The following EPS15L1 variants were observed in gnomAD, a reference collection of about 807,000 sequenced individuals.
The protein encoded by EPS15L1 is epidermal growth factor receptor pathway substrate 15 like 1, also known as epidermal growth factor receptor substrate 15-like 1.
Under a neutral mutation model 117.1 loss-of-function variants are expected in EPS15L1, and 43 were observed. The observed-to-expected ratio is 0.37, with a 90% CI of 0.29 to 0.47. The LOEUF (loss-of-function observed/expected upper bound fraction) is 0.47, where lower values mean the gene tolerates loss of function less well. Among genes scored for constraint, EPS15L1 ranks in the 20% least tolerant of loss-of-function variants. The pLI, the probability that EPS15L1 is intolerant of heterozygous loss-of-function variation, is 0.99. For synonymous variants in EPS15L1, 459 were observed against 470.5 expected (o/e 0.98, Z 0.32); for missense variants, 981 against 1,164.0 (o/e 0.84, Z 2.29).
intron 1 of EPS15L1, among the ~76,000 whole-genome samples, chr19:16,467,567 C>G (rs959914986): frequency 1.3e-5 from 2 of 151,984 alleles, no homozygotes; most frequent in Admixed American, 1.3e-4. Flanking sequence ...CAGTGCAGGT[C>G]AATAAGTGAC....
chr19:16,445,871 G>A (rs1489307880), intron 1 of EPS15L1, among the ~76,000 whole-genome samples: 2 of 152,216 alleles, frequency 1.3e-5, no homozygotes, highest in Non-Finnish European at 2.9e-5. Flanking sequence ...AAGTGCAGCA[G>A]AGCTGACCCG....
At chr19:16,458,536 A>G (rs570575215) in intron 1 of EPS15L1, among the ~76,000 whole-genome samples, 132 of 123,672 alleles carry the variant, frequency 1.1e-3, no homozygotes, top group Non-Finnish European at 1.8e-3. Context: ...CCGCTTCCCC[A>G]CTGCACCTCG....
chr19:16,385,238 G>C, intron 20 of EPS15L1, 27 bp from the exon 21 acceptor site: 2 of 1,596,694 alleles, frequency 1.3e-6, no homozygotes, highest in Non-Finnish European at 1.7e-6. Context: ...CAAAGTCAGA[G>C]TTACAGGTCT....
At chr19:16,391,971 G>A (rs906242124) in intron 19 of EPS15L1, among the ~76,000 whole-genome samples, 3 of 152,262 alleles carry the variant, frequency 2.0e-5, no homozygotes, top group African/African-American at 7.2e-5. Flanking sequence ...TGAAGGGGCA[G>A]TGGGGGCAGA....
Position 16,442,159 on chromosome 19 carries a change from A to G in EPS15L1, c.75+19T>C. 6.2e-7 allele frequency: 1 copy of G among 1,607,686 alleles called. No homozygotes were observed. The highest frequency in any genetic ancestry group is 1.3e-5 in the African/African-American group (1 of 74,912). ...AGGCATGCTCTAGTTCCATCTGAAG[A>G]GACATCAGCTAAACTTACCTGCTTG... On this transcript the variant is annotated intron_variant, in intron 2 of 23. Transcript: ENST00000455140.
In EPS15L1 at chr19:16,418,011, G is replaced by C; in HGVS notation, c.1044C>G (p.Ile348Met). Residue 348 changes from isoleucine to methionine, a missense_variant, in exon 11 of 24, where the codon ATC becomes ATG. Around this residue, in one of 5 missense-constraint regions of EPS15L1, gnomAD observed 819 missense variants for 949.0 expected, o/e 0.86. Transcript: ENST00000455140. ...YFIQQKVSKGIDPPQVLSPDM... is the reference protein window; with the variant it reads ...YFIQQKVSKGMDPPQVLSPDM... The stretch of plus-strand genomic sequence containing the variant: ...CCGGCGAGAGGACTTGAGGAGGGTC[G>C]ATGCCTTTACTGACCTTCTGCTGAA... The C allele has an allele frequency of 6.2e-7, 1 of 1,614,222 alleles. No individual in the cohort carries two copies. Among genetic ancestry groups the C allele is most frequent in the African/African-American group, 1.3e-5 (1 of 75,068 alleles).
intron 18 of EPS15L1, 102 bp from the exon 19 acceptor site, chr19:16,392,542 A>G: frequency 1.7e-6 from 2 of 1,193,372 alleles, no homozygotes; most frequent in South Asian, 1.4e-5. Context: ...GAAATTCTAG[A>G]AAGGTAAGAA....
At chr19:16,377,898 C>T (rs921477724) in intron 21 of EPS15L1, among the ~76,000 whole-genome samples, 2 of 152,218 alleles carry the variant, frequency 1.3e-5, no homozygotes, top group Admixed American at 6.5e-5. Flanking sequence ...CCCGGACCCT[C>T]GGTCAGCCTC....
chr19:16,363,881 G>C (rs1472278996), intron 22 of EPS15L1, among the ~76,000 whole-genome samples: 2 of 152,228 alleles, frequency 1.3e-5, no homozygotes, highest in African/African-American at 4.8e-5. Context: ...CATATTCAAG[G>C]AAAAACAGTC....
At chr19:16,387,410 C>T (rs1412477789) in intron 19 of EPS15L1, among the ~76,000 whole-genome samples, 2 of 152,204 alleles carry the variant, frequency 1.3e-5, no homozygotes, top group Non-Finnish European at 2.9e-5. Context: ...AGTTTGAGAC[C>T]AGCCTGGTCA....
At chr19:16,360,065 T>G (rs1051737911) in intron 23 of EPS15L1, among the ~76,000 whole-genome samples, 2 of 92,472 alleles carry the variant, frequency 2.2e-5, no homozygotes. Context: ...ACCTTGGGTG[T>G]TTTTTTTTTT....
Position 16,413,757 on chromosome 19 carries a change from C to G in EPS15L1, c.1266+16G>C, listed in dbSNP as rs73511116. 1 of 1,611,044 alleles carries G rather than the reference C, an allele frequency of 6.2e-7. No homozygotes were observed. Among genetic ancestry groups the G allele is most frequent in the African/African-American group, 1.3e-5 (1 of 74,848 alleles). ...TAGCACAAAGTAGATGTAACCAAAA[C>G]GAACGAGACCCTTACCTGCACCTCG... On this transcript the variant is annotated intron_variant, in intron 13 of 23. Coordinates refer to ENST00000455140, the MANE Select transcript of EPS15L1 (RefSeq NM_001258374.3).
chr19:16,384,465 T>C (rs931733303), intron 21 of EPS15L1, among the ~76,000 whole-genome samples: 1 of 152,172 alleles, frequency 6.6e-6, no homozygotes, highest in Non-Finnish European at 1.5e-5. Context: ...ATTCTGGATG[T>C]TCCCTGTTGA....
chr19:16,428,386 A>G (rs2092894460), intron 8 of EPS15L1, among the ~76,000 whole-genome samples: 1 of 146,982 alleles, frequency 6.8e-6, no homozygotes, highest in Admixed American at 6.8e-5. Flanking sequence ...ACAAAAAAAA[A>G]AAGAAAGAAA....
At chr19:16,362,029 G>A (rs768168169) in intron 22 of EPS15L1, 45 bp from the exon 23 acceptor site, 4 of 1,533,478 alleles carry the variant, frequency 2.6e-6, no homozygotes, top group Non-Finnish European at 3.5e-6. Context: ...AAAGAAATAT[G>A]AGTTACTCAC....
chr19:16,471,790 AG>A lies in EPS15L1; in HGVS notation c.33+122del. ...GCCGCCTGCCCACCCGCCCGCCGCA[AG>A]CCCTTCAGCACGCGCCGCCCCCGCC... is the stretch of plus-strand genomic sequence containing the variant. On this transcript the variant is annotated intron_variant, in intron 1 of 23. Coordinates refer to ENST00000455140, the MANE Select transcript of EPS15L1 (RefSeq NM_001258374.3). This position sits in a 1 kb window ranked among gnomAD's most constrained non-coding sequence, Gnocchi z 4.8. The A allele has an allele frequency of 2.8e-6, 1 of 362,208 alleles. No homozygotes were observed. Among genetic ancestry groups the A allele is most frequent in the East Asian group, 5.7e-5 (1 of 17,398 alleles). The allele number at this position is 362,208 out of a possible 1,614,324, so 22.4% of individuals were successfully genotyped here. A position where few individuals can be genotyped will look rare whatever the true frequency, so the allele number is the denominator to read the frequency against.
intron 12 of EPS15L1, among the ~76,000 whole-genome samples, chr19:16,417,260 G>A (rs1353845959): frequency 6.6e-6 from 1 of 151,740 alleles, no homozygotes; most frequent in Non-Finnish European, 1.5e-5. Flanking sequence ...GCTGCCACAG[G>A]CTCTGCCCAC....
intron 13 of EPS15L1, among the ~76,000 whole-genome samples, chr19:16,410,332 C>A (rs79641498): frequency 0.079 from 12,050 of 152,150 alleles, 556 homozygotes; most frequent in Non-Finnish European, 0.11. Context: ...CCACACCCAC[C>A]ACGACGGCTA....
chr19:16,361,657 G>A, intron 23 of EPS15L1, 122 bp downstream of exon 23: 1 of 1,442,248 alleles, frequency 6.9e-7, no homozygotes, highest in East Asian at 2.5e-5. Flanking sequence ...GAGGGACAGA[G>A]AGTGTGAGGT....
Sources: gnomAD v4.1 joint callset for allele counts (sites outside exome capture counted in the v4.1 genomes callset) on GRCh38, gnomAD v4.1.1 for gene constraint, gnomAD v4.1.1 regional missense constraint, Gnocchi (gnomAD v3.1) non-coding constraint, MANE v1.5 for transcripts, NCBI Gene and HGNC (gene_info 2026-07-23, HGNC 2026-07-21) for gene names.